Variants in ABTB3 observed in about 807,000 individuals in gnomAD.
ABTB3 encodes ankyrin repeat and BTB domain containing 3, also known as ankyrin repeat- and BTB/POZ domain-containing protein 3.
chr12:107,450,370 C>A, the ABTB3 span, among the ~76,000 whole-genome samples: 17 of 152,106 alleles, frequency 1.1e-4, no homozygotes, highest in Non-Finnish European at 2.4e-4. Context: ...TATATTTGAT[C>A]ATAGTTTTAG....
At chr12:107,569,523 T>C in the ABTB3 span, among the ~76,000 whole-genome samples, 1 of 152,240 alleles carries the variant, frequency 6.6e-6, no homozygotes, top group Non-Finnish European at 1.5e-5. Flanking sequence ...ACAAATATTT[T>C]CACAACTGTG....
At chr12:107,514,821 A>G in the ABTB3 span, among the ~76,000 whole-genome samples, 2 of 152,170 alleles carry the variant, frequency 1.3e-5, no homozygotes, top group East Asian at 3.8e-4. Context: ...TTATATTTCC[A>G]TATTTAAATT....
At chr12:107,475,725 T>A in the ABTB3 span, among the ~76,000 whole-genome samples, 4 of 152,072 alleles carry the variant, frequency 2.6e-5, no homozygotes, top group Non-Finnish European at 4.4e-5. Flanking sequence ...CTTTTTTTTT[T>A]AATGAGGAAA....
At chr12:107,345,466 A>AT in the ABTB3 span, among the ~76,000 whole-genome samples, 4 of 113,540 alleles carry the variant, frequency 3.5e-5, no homozygotes, top group Non-Finnish European at 5.0e-5. Flanking sequence ...GTTGCAAGTG[A>AT]TAAAAAAAAA....
chr12:107,501,428 G>A, the ABTB3 span, among the ~76,000 whole-genome samples: 3 of 150,994 alleles, frequency 2.0e-5, no homozygotes, highest in African/African-American at 4.9e-5. Flanking sequence ...GGCTGGGCGC[G>A]GTGGCTCACA....
At chr12:107,612,900 G>C in the ABTB3 span, 1 of 1,598,752 alleles carries the variant, frequency 6.3e-7, no homozygotes, top group African/African-American at 1.3e-5. Flanking sequence ...AGGGCCCCTC[G>C]GCCGGCAGTC....
chr12:107,429,390 C>T, the ABTB3 span, among the ~76,000 whole-genome samples: 1 of 152,208 alleles, frequency 6.6e-6, no homozygotes, highest in East Asian at 1.9e-4. Flanking sequence ...CTTCTCCACC[C>T]CTGTCAATTT....
chr12:107,600,992 T>A, the ABTB3 span, among the ~76,000 whole-genome samples: 1 of 152,230 alleles, frequency 6.6e-6, no homozygotes, highest in African/African-American at 2.4e-5. Flanking sequence ...CCAGATGGCC[T>A]GATTAAATCC....
the ABTB3 span, among the ~76,000 whole-genome samples, chr12:107,410,297 G>C: frequency 6.6e-6 from 1 of 151,052 alleles, no homozygotes; most frequent in South Asian, 2.1e-4. Flanking sequence ...AGAGGAAAAA[G>C]TACAAGGTGC....
At chr12:107,351,041 A>T in the ABTB3 span, among the ~76,000 whole-genome samples, 1 of 152,184 alleles carries the variant, frequency 6.6e-6, no homozygotes, top group African/African-American at 2.4e-5. Flanking sequence ...AAACCGGAAA[A>T]AAAAACCAAG....
the ABTB3 span, chr12:107,649,193 T>C: frequency 6.2e-7 from 1 of 1,608,240 alleles, no homozygotes; most frequent in Middle Eastern, 1.7e-4. Flanking sequence ...CTGTTCTCTG[T>C]GTTTTCTTCC....
chr12:107,454,076 C>T, the ABTB3 span, among the ~76,000 whole-genome samples: 1 of 152,254 alleles, frequency 6.6e-6, no homozygotes, highest in Admixed American at 6.5e-5. Flanking sequence ...TTATTCATTA[C>T]ATATACTCCC....
At chr12:107,538,545 G>T in the ABTB3 span, among the ~76,000 whole-genome samples, 1 of 152,136 alleles carries the variant, frequency 6.6e-6, no homozygotes, top group South Asian at 2.1e-4. Flanking sequence ...GCTCTGCCAG[G>T]GGCCAGGCAG....
At chr12:107,523,157 A>G in the ABTB3 span, among the ~76,000 whole-genome samples, 2 of 152,236 alleles carry the variant, frequency 1.3e-5, no homozygotes, top group Non-Finnish European at 2.9e-5. Flanking sequence ...ACTTCTTCCC[A>G]GAGGAGTTCC....
At chr12:107,569,839 C>T in the ABTB3 span, among the ~76,000 whole-genome samples, 1 of 152,320 alleles carries the variant, frequency 6.6e-6, no homozygotes, top group African/African-American at 2.4e-5. Flanking sequence ...AAGCAACGGT[C>T]AGAAGTCCAG....
chr12:107,644,033 G>A, the ABTB3 span, among the ~76,000 whole-genome samples: 1 of 152,168 alleles, frequency 6.6e-6, no homozygotes, highest in African/African-American at 2.4e-5. Flanking sequence ...CTCCCAAAGT[G>A]CTGGGATTAC....
At chr12:107,594,967 C>T in the ABTB3 span, among the ~76,000 whole-genome samples, 1 of 151,940 alleles carries the variant, frequency 6.6e-6, no homozygotes, top group Non-Finnish European at 1.5e-5. Context: ...TTGCAGGAAG[C>T]TTAACAGCAC....
At chr12:107,377,386 C>T in the ABTB3 span, among the ~76,000 whole-genome samples, 2 of 146,534 alleles carry the variant, frequency 1.4e-5, no homozygotes, top group African/African-American at 2.6e-5. Context: ...AGAACACTTC[C>T]TTGAGAGAGA....
chr12:107,623,112 GT>G, the ABTB3 span, among the ~76,000 whole-genome samples: 2 of 149,906 alleles, frequency 1.3e-5, no homozygotes, highest in African/African-American at 2.5e-5. Context: ...CCAGGCTGGA[GT>G]GCAATGGTGC....
Sources: allele counts gnomAD v4.1 joint callset (sites outside exome capture counted in the v4.1 genomes callset), GRCh38; gene constraint gnomAD v4.1.1; transcripts MANE v1.5; gene names NCBI Gene and HGNC (gene_info 2026-07-23, HGNC 2026-07-21).